PCSK5: variants seen among roughly 807,000 people sequenced by gnomAD.
PCSK5 encodes the protein proprotein convertase subtilisin/kexin type 5, also known as prohormone convertase 5.
A neutral mutation model predicts 233.2 loss-of-function variants in PCSK5; 129 were observed. The ratio of observed to expected loss-of-function variants is 0.55; its 90% CI spans 0.48 to 0.64. PCSK5 has a LOEUF of 0.64. PCSK5 is among the 30% of genes least tolerant of loss of function. PCSK5 has a pLI of 0.00. For synonymous variants in PCSK5, 825 were observed against 879.2 expected (o/e 0.94, Z 1.09); for missense variants, 2,076 against 2,430.1 (o/e 0.85, Z 3.06).
intron 24 of PCSK5, among the ~76,000 whole-genome samples, chr9:76,252,275 A>AT (rs1826836981): frequency 1.3e-5 from 2 of 151,976 alleles, no homozygotes; most frequent in African/African-American, 4.8e-5. Flanking sequence ...CGTCTCAGAA[A>AT]AAATAATAAT....
intron 9 of PCSK5, among the ~76,000 whole-genome samples, chr9:76,110,313 A>G (rs1441222904): frequency 6.6e-6 from 1 of 152,218 alleles, no homozygotes; most frequent in East Asian, 1.9e-4. Flanking sequence ...TTTGAACTGC[A>G]TGTCCTAGCT....
At chr9:76,180,065 TTATATA>T (rs148523532) in intron 15 of PCSK5, among the ~76,000 whole-genome samples, 5 of 116,198 alleles carry the variant, frequency 4.3e-5, no homozygotes, top group Admixed American at 9.2e-5. Flanking sequence ...AACATGATGT[TTATATA>T]TATATGTGTG....
At chr9:76,358,350 T>A (rs761703763) in intron 37 of PCSK5, among the ~76,000 whole-genome samples, 163 bp from the exon 38 acceptor site, 23 of 151,074 alleles carry the variant, frequency 1.5e-4, no homozygotes, top group Non-Finnish European at 2.8e-4. Context: ...TACAAAAAAA[T>A]TAAAATTAAA....
chr9:76,057,396 G>C (rs993456885), intron 5 of PCSK5, among the ~76,000 whole-genome samples: 1 of 151,936 alleles, frequency 6.6e-6, no homozygotes, highest in Non-Finnish European at 1.5e-5. Context: ...TATTTTTCTC[G>C]GGGTAGTGAT....
At chr9:76,239,384 T>C (rs1826356601) in intron 23 of PCSK5, among the ~76,000 whole-genome samples, 2 of 152,076 alleles carry the variant, frequency 1.3e-5, no homozygotes, top group South Asian at 4.1e-4. Flanking sequence ...TCCAAGGTCA[T>C]AGGAATGCAC....
At chr9:76,108,315 A>T (rs566220327) in intron 9 of PCSK5, among the ~76,000 whole-genome samples, 1 of 152,324 alleles carries the variant, frequency 6.6e-6, no homozygotes, top group Non-Finnish European at 1.5e-5. Context: ...TGAACTAATG[A>T]TATAAGCGAT....
rs146095878 is a variant in PCSK5 at position 76,356,864 on chromosome 9, G to A, written c.5255-1649G>A. On this transcript the variant is annotated intron_variant, in intron 37 of 37. Coordinates refer to ENST00000674117, the MANE Select transcript of PCSK5 (RefSeq NM_001372043.1). The stretch of plus-strand genomic sequence containing the variant: ...TACCTAGAATGTACCTGTGTAGGAT[G>A]TACCTAGAATTGCTCATGAAATTAT... 2.8e-4 allele frequency among the ~76,000 whole-genome samples: 42 copies of A among 152,206 alleles called. No individual in the cohort carries two copies. The East Asian group carries it at 7.9e-3, about 29-fold the overall frequency.
intron 35 of PCSK5, among the ~76,000 whole-genome samples, chr9:76,349,142 C>T (rs186495685): frequency 2.6e-5 from 4 of 151,104 alleles, no homozygotes; most frequent in South Asian, 2.1e-4. Context: ...GGCGTGGTGG[C>T]GGGCTCCTGT....
intron 1 of PCSK5, among the ~76,000 whole-genome samples, chr9:75,910,758 G>A (rs1477074524): frequency 6.6e-6 from 1 of 152,132 alleles, no homozygotes; most frequent in Non-Finnish European, 1.5e-5. Flanking sequence ...GGGCCACATT[G>A]TGCTTCCAGA....
intron 12 of PCSK5, among the ~76,000 whole-genome samples, chr9:76,160,024 C>T (rs529525915): frequency 2.6e-5 from 4 of 151,844 alleles, no homozygotes; most frequent in Non-Finnish European, 5.9e-5. Flanking sequence ...GGTTTCACCA[C>T]GTTGACCAGG....
intron 24 of PCSK5, among the ~76,000 whole-genome samples, chr9:76,265,481 G>T (rs2131365922): frequency 6.6e-6 from 1 of 152,244 alleles, no homozygotes. Context: ...AATTGTTCTA[G>T]ATTAGAGGAA....
intron 5 of PCSK5, among the ~76,000 whole-genome samples, chr9:76,055,179 A>G (rs919751472): frequency 6.6e-6 from 1 of 152,142 alleles, no homozygotes; most frequent in Non-Finnish European, 1.5e-5. Context: ...TTATTTCAGT[A>G]TTAGGCTATC....
At chr9:76,309,308 C>T (rs895853516) in intron 29 of PCSK5, among the ~76,000 whole-genome samples, 1 of 152,176 alleles carries the variant, frequency 6.6e-6, no homozygotes, top group African/African-American at 2.4e-5. Flanking sequence ...GATAACTTAT[C>T]AATTGCTTCA....
intron 27 of PCSK5, 85 bp downstream of exon 27, chr9:76,296,950 T>C (rs1254149543): frequency 1.2e-6 from 1 of 866,180 alleles, no homozygotes; most frequent in Admixed American, 2.1e-5. Context: ...TTTTTAGTTA[T>C]CCAGGAGAGA....
At chr9:76,028,586 C>T (rs10869681) in intron 5 of PCSK5, among the ~76,000 whole-genome samples, 24,936 of 151,966 alleles carry the variant, frequency 0.16, 3,022 homozygotes, top group East Asian at 0.57. Flanking sequence ...GCTGATCCGT[C>T]GAGTGCAGGT....
intron 35 of PCSK5, among the ~76,000 whole-genome samples, chr9:76,348,809 G>A (rs185155518): frequency 1.4e-4 from 21 of 147,610 alleles, no homozygotes; most frequent in African/African-American, 5.0e-4. Context: ...CAGCCCCCCA[G>A]CCCCCAGCCT....
At chr9:76,062,343 A>T (rs1830059439) in intron 5 of PCSK5, among the ~76,000 whole-genome samples, 4 of 152,260 alleles carry the variant, frequency 2.6e-5, no homozygotes, top group Admixed American at 2.6e-4. Context: ...TGAGACAGAT[A>T]TGACAGGGAA....
chr9:76,084,543 G>T (rs1210164216), intron 7 of PCSK5, among the ~76,000 whole-genome samples: 1 of 152,168 alleles, frequency 6.6e-6, no homozygotes, highest in Non-Finnish European at 1.5e-5. Flanking sequence ...GGTTCGTTCT[G>T]TTTATAGTGA....
chr9:76,249,567 C>T (rs994428488), intron 24 of PCSK5, among the ~76,000 whole-genome samples: 4 of 152,168 alleles, frequency 2.6e-5, no homozygotes, highest in African/African-American at 9.7e-5. Context: ...ACACAAGTGC[C>T]TTGATTGTGG....
Sources: gnomAD v4.1 joint callset for allele counts (sites outside exome capture counted in the v4.1 genomes callset) on GRCh38, gnomAD v4.1.1 for gene constraint, MANE v1.5 for transcripts, NCBI Gene and HGNC (gene_info 2026-07-23, HGNC 2026-07-21) for gene names.